The following DIAPH3 variants were observed in gnomAD, a reference collection of about 807,000 sequenced individuals.
The protein encoded by DIAPH3 is protein diaphanous homolog 3.
In DIAPH3, 117 loss-of-function variants were observed where a neutral mutation model predicts 144.3. The ratio of observed to expected loss-of-function variants is 0.81; its 90% CI spans 0.70 to 0.95. The LOEUF (loss-of-function observed/expected upper bound fraction) is 0.95. DIAPH3 is among the 40% of genes least tolerant of loss of function. The pLI is 0.00. For missense variants in DIAPH3, 1,421 were observed against 1,412.7 expected (o/e 1.01, Z -0.09); for synonymous variants, 519 against 488.9 (o/e 1.06, Z -0.81).
intron 17 of DIAPH3, among the ~76,000 whole-genome samples, chr13:59,947,031 T>C (rs2048835936): frequency 2.6e-5 from 4 of 152,186 alleles, no homozygotes; most frequent in Non-Finnish European, 5.9e-5. Context: ...TCAGAACCCA[T>C]TGCCTCAGTC....
chr13:59,894,007 C>T (rs2045956586), intron 20 of DIAPH3, among the ~76,000 whole-genome samples: 1 of 152,084 alleles, frequency 6.6e-6, no homozygotes, highest in Non-Finnish European at 1.5e-5. Context: ...TCAGGGACTT[C>T]TAAAAATAAA....
intron 2 of DIAPH3, among the ~76,000 whole-genome samples, chr13:60,125,561 A>C (rs1458867565): frequency 6.6e-6 from 1 of 151,770 alleles, no homozygotes; most frequent in Non-Finnish European, 1.5e-5. Context: ...TTATGTTTTT[A>C]TACTCCCTAA....
At chr13:59,929,738 A>AT (rs78484126) in intron 17 of DIAPH3, among the ~76,000 whole-genome samples, 204 of 138,168 alleles carry the variant, frequency 1.5e-3, no homozygotes, top group East Asian at 6.1e-3. Context: ...TAATTTTTGT[A>AT]TTTTTTTTTT....
At chr13:59,721,221 T>C (rs1294380730) in intron 27 of DIAPH3, among the ~76,000 whole-genome samples, 1 of 152,180 alleles carries the variant, frequency 6.6e-6, no homozygotes, top group Non-Finnish European at 1.5e-5. Flanking sequence ...AACCAGCTGA[T>C]ATGAAAATTT....
intron 25 of DIAPH3, among the ~76,000 whole-genome samples, chr13:59,790,247 G>A (rs1425712021): frequency 6.6e-6 from 1 of 152,198 alleles, no homozygotes; most frequent in African/African-American, 2.4e-5. Context: ...TGGTTGCCTA[G>A]TGATGATTCC....
chr13:59,896,987 A>G (rs972115344), intron 20 of DIAPH3, among the ~76,000 whole-genome samples: 6 of 152,186 alleles, frequency 3.9e-5, no homozygotes, highest in Admixed American at 6.5e-5. Context: ...TTTCACTGCA[A>G]TCAATTGTGT....
chr13:60,114,037 A>C (rs2058638315), intron 2 of DIAPH3, among the ~76,000 whole-genome samples: 1 of 152,242 alleles, frequency 6.6e-6, no homozygotes, highest in African/African-American at 2.4e-5. Flanking sequence ...CTGGAGAGAA[A>C]TCCCCATGAC....
chr13:59,778,722 G>C (rs899431105), intron 25 of DIAPH3, among the ~76,000 whole-genome samples: 1 of 152,076 alleles, frequency 6.6e-6, no homozygotes. Context: ...ACTTTATGTT[G>C]GTATTACAGA....
intron 27 of DIAPH3, among the ~76,000 whole-genome samples, chr13:59,736,801 C>T (rs907185562): frequency 1.3e-5 from 2 of 152,072 alleles, no homozygotes; most frequent in African/African-American, 4.8e-5. Context: ...AGTACTGGTA[C>T]AAAACAGAGA....
At chr13:59,935,874 T>C (rs909709393) in intron 17 of DIAPH3, among the ~76,000 whole-genome samples, 5 of 152,212 alleles carry the variant, frequency 3.3e-5, no homozygotes, top group South Asian at 2.1e-4. Flanking sequence ...TTATATAATA[T>C]ATAGGAAGAG....
chr13:59,967,055 TTTTG>T (rs1250507488), intron 17 of DIAPH3, among the ~76,000 whole-genome samples: 1 of 151,728 alleles, frequency 6.6e-6, no homozygotes, highest in Non-Finnish European at 1.5e-5. Context: ...GTTTGCCTGT[TTTTG>T]TTTTTTTGTT....
intron 12 of DIAPH3, among the ~76,000 whole-genome samples, chr13:59,985,567 G>C (rs372467479): frequency 1.6e-5 from 1 of 63,070 alleles, no homozygotes; most frequent in South Asian, 6.3e-4. Flanking sequence ...TGTTTATCTA[G>C]AAAACCCCAT....
intron 27 of DIAPH3, among the ~76,000 whole-genome samples, chr13:59,716,238 C>T (rs2035047747): frequency 6.6e-6 from 1 of 152,064 alleles, no homozygotes; most frequent in African/African-American, 2.4e-5. Context: ...TGCACTGGGG[C>T]AATCTCGGCT....
chr13:59,760,305 G>A (rs930105272), intron 27 of DIAPH3, among the ~76,000 whole-genome samples: 1 of 152,178 alleles, frequency 6.6e-6, no homozygotes, highest in African/African-American at 2.4e-5. Flanking sequence ...TCCATCCAGT[G>A]ATAAAATAGC....
intron 22 of DIAPH3, among the ~76,000 whole-genome samples, chr13:59,845,401 A>G (rs1245830596): frequency 6.6e-6 from 1 of 152,110 alleles, no homozygotes; most frequent in Non-Finnish European, 1.5e-5. Flanking sequence ...CTGGTCTCCT[A>G]CAGTTTTTCT....
intron 4 of DIAPH3, among the ~76,000 whole-genome samples, chr13:60,046,249 T>C (rs945105646): frequency 1.8e-4 from 27 of 152,306 alleles, no homozygotes; most frequent in Admixed American, 4.6e-4. Flanking sequence ...ATGCTTTAGT[T>C]CATTTTATTA....
intron 17 of DIAPH3, among the ~76,000 whole-genome samples, chr13:59,935,061 TAC>T (rs924548898): frequency 6.6e-6 from 1 of 152,188 alleles, no homozygotes; most frequent in Admixed American, 6.5e-5. Flanking sequence ...ACTGCACAGG[TAC>T]ACTTATATGC....
chr13:60,090,834 A>G (rs2057904876), intron 4 of DIAPH3, among the ~76,000 whole-genome samples: 1 of 152,204 alleles, frequency 6.6e-6, no homozygotes. Context: ...CACTAATTAA[A>G]TGAGTCAATG....
At chr13:59,828,145 C>T (rs1013558776) in intron 24 of DIAPH3, among the ~76,000 whole-genome samples, 10 of 151,900 alleles carry the variant, frequency 6.6e-5, no homozygotes, top group African/African-American at 2.4e-4. Flanking sequence ...ATATTTCCAC[C>T]TAGTACCTCC....
Sources: allele counts gnomAD v4.1 joint callset (sites outside exome capture counted in the v4.1 genomes callset), GRCh38; gene constraint gnomAD v4.1.1; transcripts MANE v1.5; gene names NCBI Gene and HGNC (gene_info 2026-07-23, HGNC 2026-07-21).